Variants in PCTP observed in about 807,000 individuals in gnomAD.
The protein encoded by PCTP is START domain-containing protein 2.
A neutral mutation model predicts 31.0 loss-of-function variants in PCTP; 27 were observed. That is an observed-to-expected ratio of 0.87 (90% CI 0.64 to 1.20). The LOEUF (loss-of-function observed/expected upper bound fraction) is 1.20. Ranked by LOEUF, PCTP falls within the 50% of genes most tolerant of loss-of-function variation. The probability of loss-of-function intolerance (pLI) is 0.00; values close to 1 mark genes in which losing one functional copy is unlikely to be tolerated. For missense variants in PCTP, 287 were observed against 268.2 expected (o/e 1.07, Z -0.49); for synonymous variants, 108 against 101.2 (o/e 1.07, Z -0.40).
intron 3 of PCTP, among the ~76,000 whole-genome samples, chr17:55,813,675 G>A (rs1003027699): frequency 1.3e-5 from 2 of 152,114 alleles, no homozygotes; most frequent in African/African-American, 2.4e-5. Flanking sequence ...GTCTTTGCTC[G>A]TGCATCATCT....
intron 3 of PCTP, among the ~76,000 whole-genome samples, chr17:55,821,602 G>A (rs62078593): frequency 6.6e-6 from 1 of 152,172 alleles, no homozygotes; most frequent in South Asian, 2.1e-4. Flanking sequence ...GCTAGGTACT[G>A]TGCTAAACTA....
At chr17:55,793,897 C>A (rs1020019105) in intron 3 of PCTP, among the ~76,000 whole-genome samples, 1 of 151,994 alleles carries the variant, frequency 6.6e-6, no homozygotes, top group Admixed American at 6.6e-5. Flanking sequence ...TATTTTACAG[C>A]TAGAAAGTAG....
intron 5 of PCTP, among the ~76,000 whole-genome samples, chr17:55,838,631 T>A (rs1029763588): frequency 3.3e-5 from 5 of 152,210 alleles, no homozygotes; most frequent in African/African-American, 1.2e-4. Context: ...TTCCATGATA[T>A]TTATTGAATG....
intron 3 of PCTP, among the ~76,000 whole-genome samples, chr17:55,810,268 T>C (rs1052413546): frequency 6.6e-6 from 1 of 152,220 alleles, no homozygotes; most frequent in African/African-American, 2.4e-5. Flanking sequence ...CCTCCTGCCT[T>C]GGCTTCCCAA....
chr17:55,787,027 A>ATGTGTGTG (rs145447335), intron 2 of PCTP, among the ~76,000 whole-genome samples: 3 of 147,888 alleles, frequency 2.0e-5, no homozygotes, highest in Admixed American at 6.8e-5. Context: ...ATGTGTGAGC[A>ATGTGTGTG]TGTGTGTGTG....
intron 3 of PCTP, among the ~76,000 whole-genome samples, chr17:55,817,319 C>T (rs1019396844): frequency 6.6e-6 from 1 of 152,236 alleles, no homozygotes; most frequent in South Asian, 2.1e-4. Context: ...CAAAAAGTAG[C>T]TGTGCTAAAA....
At chr17:55,799,275 C>T (rs1316451806) in intron 3 of PCTP, among the ~76,000 whole-genome samples, 1 of 151,800 alleles carries the variant, frequency 6.6e-6, no homozygotes, top group Non-Finnish European at 1.5e-5. Flanking sequence ...AATTTAAATG[C>T]AAAAAGGTTA....
chr17:55,792,316 T>TA (rs963564364), intron 3 of PCTP, among the ~76,000 whole-genome samples: 1 of 129,296 alleles, frequency 7.7e-6, no homozygotes, highest in Non-Finnish European at 1.6e-5. Flanking sequence ...TAATAATAAA[T>TA]AAAAAAAAGA....
chr17:55,790,655 G>A (rs1465466485), intron 3 of PCTP, among the ~76,000 whole-genome samples: 1 of 151,504 alleles, frequency 6.6e-6, no homozygotes, highest in Non-Finnish European at 1.5e-5. Context: ...AAATAAAAGA[G>A]GATACAAACA....
intron 2 of PCTP, chr17:55,770,374 G>A (rs114094256): frequency 5.3e-5 from 8 of 152,330 alleles, no homozygotes; most frequent in East Asian, 3.9e-4. Context: ...GGGTGACTCC[G>A]TTCCAGGTTA....
chr17:55,805,415 G>T (rs1301861837), intron 3 of PCTP, among the ~76,000 whole-genome samples: 1 of 151,886 alleles, frequency 6.6e-6, no homozygotes, highest in Non-Finnish European at 1.5e-5. Flanking sequence ...TTATGTCCAT[G>T]TGTACCCATT....
chr17:55,808,393 T>A (rs1244537595), intron 3 of PCTP, among the ~76,000 whole-genome samples: 7 of 152,240 alleles, frequency 4.6e-5, no homozygotes, highest in African/African-American at 1.7e-4. Context: ...ATGAGTTTAC[T>A]CATCCATAAA....
chr17:55,774,772 T>C lies in PCTP; in HGVS notation c.512-20T>C, dbSNP rs1911217888. On this transcript the variant is annotated intron_variant, in intron 4 of 5. Transcript: ENST00000268896. ...TGGTATTTTTCCTTTTTCTGAATTGTCCTTTCTTTCCCTCTCTAGTTTTCA... is the reference window on the plus strand; with the variant it reads ...TGGTATTTTTCCTTTTTCTGAATTGCCCTTTCTTTCCCTCTCTAGTTTTCA... 3.8e-6 allele frequency: 6 copies of C among 1,592,690 alleles called. No homozygotes were observed. The East Asian group carries it at 1.1e-4, about 30-fold the overall frequency.
intron 1 of PCTP, among the ~76,000 whole-genome samples, chr17:55,752,971 T>C (rs1260119109): frequency 6.6e-6 from 1 of 152,230 alleles, no homozygotes; most frequent in African/African-American, 2.4e-5. Flanking sequence ...TTGGAACTCC[T>C]GGGCTCAAGC....
chr17:55,758,117 G>A (rs957820207), intron 1 of PCTP, among the ~76,000 whole-genome samples: 2 of 152,196 alleles, frequency 1.3e-5, no homozygotes, highest in African/African-American at 2.4e-5. Flanking sequence ...GAACCAGTGC[G>A]CAGAGGCTCA....
intron 5 of PCTP, among the ~76,000 whole-genome samples, chr17:55,836,501 T>G (rs964278230): frequency 8.5e-5 from 13 of 152,190 alleles, no homozygotes; most frequent in African/African-American, 3.1e-4. Context: ...TTGAAGCACT[T>G]TCCTTCAATG....
At chr17:55,808,727 G>A (rs1406439553) in intron 3 of PCTP, among the ~76,000 whole-genome samples, 3 of 152,068 alleles carry the variant, frequency 2.0e-5, no homozygotes, top group African/African-American at 7.2e-5. Context: ...TGTAACTAAG[G>A]GGCAGTAATA....
chr17:55,847,682 A>G (rs900649745), downstream of PCTP, among the ~76,000 whole-genome samples: 12 of 152,182 alleles, frequency 7.9e-5, no homozygotes, highest in Non-Finnish European at 1.5e-4. Context: ...TAAAGACTCA[A>G]GAAGAGGTGA....
chr17:55,776,064 G>T lies in PCTP; in HGVS notation c.609G>T (p.Met203Ile). 6.2e-7 allele frequency: 1 copy of T among 1,613,898 alleles called. No individual in the cohort carries two copies. ...GAGTTCCTAACTTCTTGAAAGACATGGCAAGAGCCTGTCAGAACTACCTCA... is the reference window on the plus strand; with the variant it reads ...GAGTTCCTAACTTCTTGAAAGACATTGCAAGAGCCTGTCAGAACTACCTCA... The part of the protein sequence containing the change: ...KNGVPNFLKD[M>I]ARACQNYLKK... The change falls in exon 6 of 6, where the codon ATG becomes ATT. Residue 203 changes from methionine (M) to isoleucine (I), a missense_variant. By Grantham distance (10) the Met-to-Ile change is conservative. Transcript: ENST00000268896.
Sources: gnomAD v4.1 joint callset for allele counts (sites outside exome capture counted in the v4.1 genomes callset) on GRCh38, gnomAD v4.1.1 for gene constraint, MANE v1.5 for transcripts, NCBI Gene and HGNC (gene_info 2026-07-23, HGNC 2026-07-21) for gene names.